The following TACC2 variants were observed in gnomAD, a reference collection of about 807,000 sequenced individuals.
TACC2 encodes the protein transforming acidic coiled-coil containing protein 2, also known as transforming acidic coiled-coil-containing protein 2.
In TACC2, 137 loss-of-function variants were observed where a neutral mutation model predicts 227.3. The observed-to-expected ratio is 0.60, with a 90% confidence interval of 0.52 to 0.69. TACC2 has a LOEUF of 0.69. Ranked by LOEUF, TACC2 falls within the 30% of genes least tolerant of loss-of-function variation. TACC2 has a pLI of 0.00. For synonymous variants in TACC2, 1,523 were observed against 1,487.5 expected (o/e 1.02, Z -0.55); for missense variants, 3,470 against 3,694.4 (o/e 0.94, Z 1.57).
rs774133362 is a variant in TACC2 at position 122,248,794 on chromosome 10, C to T, written c.8544C>T (p.Gly2848=). ...AGAAGATGAAGGAGGTCCTAGAAGG[C>T]TTCCGCAAGGTAGGGCTGAGTTTGG... ...RYEKMKEVLE[G]FRKNEEVLKR... is the part of the protein sequence containing the mutation. The change falls in exon 20 of 23, where the codon GGC becomes GGT. Residue 2848 remains glycine (G), a synonymous_variant. Transcript: ENST00000369005. The T allele has an allele frequency of 6.2e-7, 1 of 1,614,156 alleles. No homozygotes were observed. Among genetic ancestry groups the T allele is most frequent in the Admixed American group, 1.7e-5 (1 of 60,012 alleles).
At chr10:122,201,943 G>A (rs1285469557) in intron 8 of TACC2, among the ~76,000 whole-genome samples, 1 of 151,708 alleles carries the variant, frequency 6.6e-6, no homozygotes, top group Non-Finnish European at 1.5e-5. Context: ...ATGACTCTGC[G>A]CTCTTTGAAA....
intron 1 of TACC2, among the ~76,000 whole-genome samples, chr10:122,004,781 C>G (rs1954853228): frequency 6.6e-6 from 1 of 152,180 alleles, no homozygotes; most frequent in African/African-American, 2.4e-5. Flanking sequence ...AACTCTTTCT[C>G]TATTGCAATC....
At chr10:122,125,887 C>A (rs1162069254) in intron 5 of TACC2, among the ~76,000 whole-genome samples, 3 of 149,540 alleles carry the variant, frequency 2.0e-5, no homozygotes, top group Admixed American at 6.9e-5. Context: ...AGCGATTCTC[C>A]TGCCTCAGCC....
At position 122,083,050 on chromosome 10, in the gene TACC2, C is replaced by T. The variant is rs756712964; in HGVS notation, c.550C>T (p.Gln184Ter). Residue 184 changes from glutamine to a stop codon, truncating the protein, a stop_gained, in exon 4 of 23, where the codon CAG (glutamine) becomes TAG (stop). Coordinates refer to ENST00000369005, the MANE Select transcript of TACC2 (RefSeq NM_206862.4). LOFTEE classifies it high-confidence loss of function. ...AGAGAGACAGCCGAAGGAAGAAGGA[C>T]AGAAGTCCTCCTTCTCCTTCTCCAG... ...GRERQPKEEG[Q>*]KSSFSFSSGI... is the part of the protein sequence containing the mutation. The T allele has an allele frequency of 7.4e-6, 12 of 1,612,696 alleles. 1 individual carries two copies. In the South Asian group the frequency reaches 1.3e-4, roughly 18 times the overall value.
chr10:122,079,263 T>C (rs2079178704), intron 3 of TACC2: 1 of 152,066 alleles, frequency 6.6e-6, no homozygotes, highest in Admixed American at 6.6e-5. Context: ...AGGCATCGGG[T>C]TTCGTTCTGG....
At chr10:122,051,427 T>C (rs569628826) in intron 3 of TACC2, 1 of 152,234 alleles carries the variant, frequency 6.6e-6, no homozygotes, top group South Asian at 2.1e-4. Context: ...CCTCTCCCCA[T>C]GTTGGCCCCA....
intron 7 of TACC2, among the ~76,000 whole-genome samples, chr10:122,149,554 TTC>T (rs889759704): frequency 5.1e-5 from 7 of 137,600 alleles, no homozygotes; most frequent in Non-Finnish European, 7.8e-5. Flanking sequence ...CTGTCAACAC[TTC>T]TCCAAGACTC....
At chr10:122,218,164 C>G (rs1358080302) in intron 11 of TACC2, among the ~76,000 whole-genome samples, 1 of 151,886 alleles carries the variant, frequency 6.6e-6, no homozygotes, top group African/African-American at 2.4e-5. Flanking sequence ...AGGCTGGTCT[C>G]AAACTCCTGA....
At chr10:122,022,296 C>CA (rs1464325945) in intron 2 of TACC2, 1 of 341,130 alleles carries the variant, frequency 2.9e-6, no homozygotes, top group Non-Finnish European at 5.4e-6. Flanking sequence ...GGCTTGAATG[C>CA]AGTGGCATGA....
At chr10:121,998,423 G>A (rs1953846430) in intron 1 of TACC2, among the ~76,000 whole-genome samples, 1 of 151,902 alleles carries the variant, frequency 6.6e-6, no homozygotes, top group Non-Finnish European at 1.5e-5. Flanking sequence ...TAATTCAGCT[G>A]TGTTTAGAAG....
At chr10:122,191,445 A>T (rs964670505) in intron 7 of TACC2, among the ~76,000 whole-genome samples, 1 of 152,208 alleles carries the variant, frequency 6.6e-6, no homozygotes, top group African/African-American at 2.4e-5. Flanking sequence ...TCCCTGGGCC[A>T]CATTGGAACA....
At chr10:122,097,223 G>C (rs1301357747) in intron 5 of TACC2, among the ~76,000 whole-genome samples, 3 of 151,806 alleles carry the variant, frequency 2.0e-5, no homozygotes, top group Non-Finnish European at 4.4e-5. Context: ...CAGCTATTCA[G>C]GAGGCTGAGG....
At chr10:122,075,669 C>T (rs2078714137) in intron 3 of TACC2, among the ~76,000 whole-genome samples, 1 of 152,266 alleles carries the variant, frequency 6.6e-6, no homozygotes, top group African/African-American at 2.4e-5. Context: ...ATCTCCACCA[C>T]AGCTGCTGCC....
At chr10:122,196,753 G>C (rs535179558) in intron 8 of TACC2, among the ~76,000 whole-genome samples, 1 of 152,040 alleles carries the variant, frequency 6.6e-6, no homozygotes, top group South Asian at 2.1e-4. Flanking sequence ...TGGCCAATAC[G>C]GTGAAACCCC....
At chr10:122,162,502 G>C (rs1325550185) in intron 7 of TACC2, among the ~76,000 whole-genome samples, 1 of 152,198 alleles carries the variant, frequency 6.6e-6, no homozygotes, top group Non-Finnish European at 1.5e-5. Context: ...ATTCAGTTGT[G>C]AGTCTGGGCT....
intron 16 of TACC2, among the ~76,000 whole-genome samples, chr10:122,234,953 C>T (rs1389692423): frequency 2.6e-5 from 4 of 152,218 alleles, no homozygotes; most frequent in African/African-American, 9.6e-5. Context: ...TATTCATCTT[C>T]AGAAGGTCCA....
Position 122,248,691 on chromosome 10 carries a change from T to C in TACC2, c.8441T>C (p.Leu2814Pro), listed in dbSNP as rs756574052. Residue 2814 changes from leucine (L) to proline (P), a missense_variant, in exon 20 of 23, where the codon CTG becomes CCG. This residue lies in a region of TACC2 where 65 missense variants were observed against 119.3 expected (regional missense o/e 0.54). Coordinates refer to ENST00000369005, the MANE Select transcript of TACC2 (RefSeq NM_206862.4). ...KSVSHQTVQQ[L>P]VLEKEQALAD... ...GTCTCCCACCAGACGGTGCAGCAGC[T>C]GGTTCTGGAGAAGGAGCAAGCCCTG... The C allele has an allele frequency of 6.2e-7, 1 of 1,613,954 alleles. No homozygotes were observed. The highest frequency in any genetic ancestry group is 8.5e-7 in the Non-Finnish European group (1 of 1,180,032).
intron 3 of TACC2, among the ~76,000 whole-genome samples, chr10:122,058,349 C>T (rs964254588): frequency 1.2e-4 from 19 of 152,118 alleles, no homozygotes; most frequent in African/African-American, 4.3e-4. Flanking sequence ...AGCGCGGAAG[C>T]GCTTCTGTCA....
chr10:122,191,654 T>A (rs533196261), intron 7 of TACC2, among the ~76,000 whole-genome samples: 1 of 152,348 alleles, frequency 6.6e-6, no homozygotes, highest in African/African-American at 2.4e-5. Flanking sequence ...ACTATAGAAA[T>A]ATAGATATTT....
Sources: gnomAD v4.1 joint callset for allele counts (sites outside exome capture counted in the v4.1 genomes callset) on GRCh38, gnomAD v4.1.1 for gene constraint, gnomAD v4.1.1 regional missense constraint, MANE v1.5 for transcripts, NCBI Gene and HGNC (gene_info 2026-07-23, HGNC 2026-07-21) for gene names.